The following ARHGAP10 variants were observed in gnomAD, a reference collection of about 807,000 sequenced individuals.
ARHGAP10 encodes the protein Rho GTPase activating protein 10.
A neutral mutation model predicts 108.6 loss-of-function variants in ARHGAP10; 87 were observed. The observed-to-expected ratio is 0.80, with a 90% CI of 0.67 to 0.96. ARHGAP10 has a LOEUF of 0.96. Among genes scored for constraint, ARHGAP10 ranks in the 40% least tolerant of loss-of-function variants. ARHGAP10 has a pLI of 0.00. For missense variants in ARHGAP10, 939 were observed against 954.5 expected (o/e 0.98, Z 0.21); for synonymous variants, 347 against 341.1 (o/e 1.02, Z -0.19).
At chr4:147,853,740 ATT>A (rs59966813) in intron 4 of ARHGAP10, among the ~76,000 whole-genome samples, 1 of 149,544 alleles carries the variant, frequency 6.7e-6, no homozygotes, top group African/African-American at 2.4e-5. Flanking sequence ...GATTATTATG[ATT>A]TTTTTTTTAT....
chr4:147,822,871 A>G, intron 2 of ARHGAP10, 25 bp from the exon 3 acceptor site: 1 of 1,613,928 alleles, frequency 6.2e-7, no homozygotes, highest in Non-Finnish European at 8.5e-7. Flanking sequence ...ATGGCCACCA[A>G]ATAATCACTC....
intron 1 of ARHGAP10, among the ~76,000 whole-genome samples, chr4:147,772,169 C>T (rs1372038326): frequency 1.3e-5 from 2 of 152,192 alleles, no homozygotes; most frequent in South Asian, 2.1e-4. Flanking sequence ...CGCACTGGGA[C>T]GTGCCATCTC....
At chr4:147,886,737 T>C (rs994019816) in intron 10 of ARHGAP10, among the ~76,000 whole-genome samples, 1 of 152,166 alleles carries the variant, frequency 6.6e-6, no homozygotes, top group Non-Finnish European at 1.5e-5. Flanking sequence ...TAGGCGGCCA[T>C]TCATGGTAGC....
chr4:147,915,802 T>C (rs563731090), intron 13 of ARHGAP10, among the ~76,000 whole-genome samples: 4 of 152,300 alleles, frequency 2.6e-5, no homozygotes, highest in South Asian at 4.1e-4. Flanking sequence ...ACAGAACTTA[T>C]TATTGAAAAT....
intron 19 of ARHGAP10, among the ~76,000 whole-genome samples, chr4:148,027,875 A>G (rs891773083): frequency 6.6e-6 from 1 of 152,158 alleles, no homozygotes; most frequent in Admixed American, 6.5e-5. Context: ...TAAACGATGG[A>G]ATGCTGTTAG....
At position 147,781,733 on chromosome 4, in the gene ARHGAP10, A is replaced by T. The variant is rs151235973; in HGVS notation, c.155-40994A>T. Among the ~76,000 whole-genome samples, 493 of 140,664 alleles carry T rather than the reference A, an allele frequency of 3.5e-3. 5 individuals are homozygous for T. Among genetic ancestry groups the T allele is most frequent in the African/African-American group, 0.013 (465 of 36,420 alleles). The allele number at this position is 140,664 out of a possible 152,430, so 92.3% of individuals were successfully genotyped here. On this transcript the variant is annotated intron_variant, in intron 1 of 22. Coordinates refer to ENST00000336498, the MANE Select transcript of ARHGAP10 (RefSeq NM_024605.4). ...TGCTCTGTCGCCCAGGCTGGAGTGC[A>T]GTGGCGCAATCTCGGCTTAGTTTTC... is the stretch of plus-strand genomic sequence containing the variant.
chr4:148,044,175 A>G (rs548871918), intron 19 of ARHGAP10, among the ~76,000 whole-genome samples: 4 of 152,280 alleles, frequency 2.6e-5, no homozygotes, highest in African/African-American at 9.6e-5. Context: ...AATATGTTGA[A>G]TGACAATTTG....
At chr4:147,794,018 T>C (rs1731222422) in intron 1 of ARHGAP10, among the ~76,000 whole-genome samples, 1 of 152,178 alleles carries the variant, frequency 6.6e-6, no homozygotes, top group Non-Finnish European at 1.5e-5. Flanking sequence ...CAGACTGCAG[T>C]GATTGAGTAG....
At chr4:147,778,455 A>G (rs898183955) in intron 1 of ARHGAP10, among the ~76,000 whole-genome samples, 2 of 152,194 alleles carry the variant, frequency 1.3e-5, no homozygotes, top group African/African-American at 4.8e-5. Flanking sequence ...TGCCAAGGGC[A>G]CAGAGCATTA....
At chr4:147,908,224 A>G (rs1253966075) in intron 11 of ARHGAP10, among the ~76,000 whole-genome samples, 2 of 152,028 alleles carry the variant, frequency 1.3e-5, no homozygotes, top group Non-Finnish European at 2.9e-5. Flanking sequence ...GGTTACTGAG[A>G]CTCCAAAACA....
At chr4:147,858,988 A>G (rs939405458) in intron 5 of ARHGAP10, among the ~76,000 whole-genome samples, 1 of 151,620 alleles carries the variant, frequency 6.6e-6, no homozygotes, top group Non-Finnish European at 1.5e-5. Context: ...ACTTCTCATG[A>G]CTCGCTCTTC....
intron 1 of ARHGAP10, among the ~76,000 whole-genome samples, chr4:147,765,431 G>A (rs575571562): frequency 6.6e-5 from 10 of 151,388 alleles, no homozygotes; most frequent in Non-Finnish European, 7.4e-5. Context: ...ATTGTGTTAC[G>A]TCTTCTGATT....
chr4:147,874,158 TTTA>T (rs529388191), intron 7 of ARHGAP10, among the ~76,000 whole-genome samples: 55 of 152,284 alleles, frequency 3.6e-4, no homozygotes, highest in Admixed American at 1.3e-3. Flanking sequence ...GGCAGCCCCT[TTTA>T]TTGTAGGGAG....
chr4:147,989,591 C>T (rs1740188195), intron 18 of ARHGAP10, among the ~76,000 whole-genome samples: 1 of 152,178 alleles, frequency 6.6e-6, no homozygotes, highest in Admixed American at 6.5e-5. Context: ...CGATATTTCT[C>T]CCATTTGCTT....
intron 3 of ARHGAP10, 90 bp from the exon 4 acceptor site, chr4:147,847,060 TG>T: frequency 9.9e-7 from 1 of 1,011,152 alleles, no homozygotes; most frequent in Non-Finnish European, 1.5e-6. Context: ...ATTTTCTTTC[TG>T]GGTGGGATGG....
In ARHGAP10 at chr4:147,939,864, G is replaced by A. The variant is rs778542682; in HGVS notation, c.1268G>A (p.Ser423Asn). 1.2e-6 allele frequency: 2 copies of A among 1,613,930 alleles called. No individual in the cohort carries two copies. The highest frequency in any genetic ancestry group is 1.7e-5 in the Admixed American group (1 of 60,006). ...DQGLYRVVGVSSKVQRLLSML... is the reference protein window; with the variant it reads ...DQGLYRVVGVNSKVQRLLSML... ...GGATTGTACAGAGTTGTGGGGGTGA[G>A]TTCAAAGGTCCAGAGACTTCTGAGT... is the stretch of plus-strand genomic sequence containing the variant. Residue 423 changes from serine (S) to asparagine (N), a missense_variant, in exon 14 of 23, where the codon AGT becomes AAT. Ser to Asn is a conservative substitution (Grantham distance 46, BLOSUM62 1). Transcript: ENST00000336498.
At chr4:147,933,579 C>G (rs1737790567) in intron 13 of ARHGAP10, among the ~76,000 whole-genome samples, 1 of 152,206 alleles carries the variant, frequency 6.6e-6, no homozygotes, top group Non-Finnish European at 1.5e-5. Flanking sequence ...TGCTCTAAGC[C>G]CAGGCTTGCC....
Position 147,857,533 on chromosome 4 carries a change from A to AC in ARHGAP10, c.385-20_385-19insC, listed in dbSNP as rs1734142502. ...TATCCTTTTGTTTCTGTTTAATCATAGTTTTTTTTTTATTTGTAGGAAGAA... is the reference window on the plus strand; with the variant it reads ...TATCCTTTTGTTTCTGTTTAATCATACGTTTTTTTTTTATTTGTAGGAAGAA... On this transcript the variant is annotated intron_variant, in intron 4 of 22. Transcript: ENST00000336498. The AC allele has an allele frequency of 1.7e-5, 18 of 1,082,372 alleles. No homozygotes were observed. The highest frequency in any genetic ancestry group is 2.1e-5 in the Non-Finnish European group (17 of 792,988). 67.0% of individuals were successfully genotyped at this position (1,082,372 alleles called of 1,614,324 possible).
At chr4:147,977,203 T>G (rs1206944917) in intron 18 of ARHGAP10, among the ~76,000 whole-genome samples, 2 of 152,180 alleles carry the variant, frequency 1.3e-5, no homozygotes, top group Non-Finnish European at 1.5e-5. Context: ...CTATTCTTCA[T>G]TGCATTTTTA....
Sources: allele counts gnomAD v4.1 joint callset (sites outside exome capture counted in the v4.1 genomes callset), GRCh38; gene constraint gnomAD v4.1.1; transcripts MANE v1.5; gene names NCBI Gene and HGNC (gene_info 2026-07-23, HGNC 2026-07-21).